The following TRIM2 variants were observed in gnomAD, a reference collection of about 807,000 sequenced individuals.
TRIM2 encodes tripartite motif-containing protein 2.
Under a neutral mutation model 75.2 loss-of-function variants are expected in TRIM2, and 20 were observed. The ratio of observed to expected loss-of-function variants is 0.27; its 90% CI spans 0.19 to 0.39. The LOEUF (loss-of-function observed/expected upper bound fraction) is 0.39, where lower values mean the gene tolerates loss of function less well. TRIM2 is among the 10% of genes least tolerant of loss of function. The probability of loss-of-function intolerance (pLI) is 1.00; values close to 1 mark genes in which losing one functional copy is unlikely to be tolerated. For missense variants in TRIM2, 660 were observed against 990.8 expected, an observed-to-expected ratio of 0.67 and a Z score of 4.48; for synonymous variants, 373 against 388.3, an observed-to-expected ratio of 0.96 and a Z score of 0.46.
chr4:153,175,816 A>G (rs1288987283), intron 1 of TRIM2, among the ~76,000 whole-genome samples: 1 of 152,208 alleles, frequency 6.6e-6, no homozygotes, highest in African/African-American at 2.4e-5. Flanking sequence ...ACAGTGCTGT[A>G]TTGTGAAAAT....
At chr4:153,178,586 GT>G (rs1731718779) in intron 1 of TRIM2, among the ~76,000 whole-genome samples, 1 of 152,100 alleles carries the variant, frequency 6.6e-6, no homozygotes, top group Non-Finnish European at 1.5e-5. Flanking sequence ...ATAATAAACA[GT>G]GTTTTTGGTT....
chr4:153,171,965 T>C (rs1486750598), intron 1 of TRIM2, among the ~76,000 whole-genome samples: 1 of 151,424 alleles, frequency 6.6e-6, no homozygotes, highest in Non-Finnish European at 1.5e-5. Flanking sequence ...TTATACCTAA[T>C]ATTAACAATA....
At chr4:153,219,022 T>A (rs550460586) in intron 1 of TRIM2, among the ~76,000 whole-genome samples, 4 of 152,302 alleles carry the variant, frequency 2.6e-5, no homozygotes, top group African/African-American at 9.6e-5. Flanking sequence ...TGGATTATAG[T>A]TAATTGTGTT....
At chr4:153,239,339 G>A (rs1159774156) in intron 1 of TRIM2, among the ~76,000 whole-genome samples, 1 of 142,404 alleles carries the variant, frequency 7.0e-6, no homozygotes, top group Non-Finnish European at 1.5e-5. Flanking sequence ...GAGACACAGC[G>A]TGACTCCGTC....
At chr4:153,287,363 A>G (rs75774900) in intron 3 of TRIM2, among the ~76,000 whole-genome samples, 1 of 152,200 alleles carries the variant, frequency 6.6e-6, no homozygotes, top group African/African-American at 2.4e-5. Flanking sequence ...TATGTTTTCA[A>G]TCCAATCTGC....
intron 3 of TRIM2, among the ~76,000 whole-genome samples, chr4:153,286,938 A>C (rs1369210771): frequency 1.3e-5 from 2 of 151,648 alleles, no homozygotes; most frequent in Admixed American, 1.3e-4. Context: ...TGCATGAAAT[A>C]TTTTTTTCAT....
intron 1 of TRIM2, among the ~76,000 whole-genome samples, chr4:153,171,678 T>C (rs74955159): frequency 0.015 from 2,244 of 152,062 alleles, 68 homozygotes; most frequent in African/African-American, 0.052. Context: ...AGGGCTTCAG[T>C]GACATTTAAA....
Position 153,294,476 on chromosome 4 carries a change from C to T in TRIM2, c.777C>T (p.Leu259=), listed in dbSNP as rs779411319. 1 of 1,613,460 alleles carries T rather than the reference C, an allele frequency of 6.2e-7. No homozygotes were observed. The highest frequency in any genetic ancestry group is 1.1e-5 in the South Asian group (1 of 90,964). ...LLMELEVNYG[L]KHKVLQSQLD... ...TGGAATTGGAGGTCAACTATGGCCT[C>T]AAACACAAAGTAAGACCAGAATCAT... Residue 259 remains leucine, a synonymous_variant, in exon 5 of 12, where the codon CTC becomes CTT. Transcript: ENST00000338700.
intron 1 of TRIM2, among the ~76,000 whole-genome samples, chr4:153,225,544 C>G (rs1741882501): frequency 6.6e-6 from 1 of 152,156 alleles, no homozygotes; most frequent in South Asian, 2.1e-4. Context: ...GTTGGCATGT[C>G]TGAAAAAGTC....
chr4:153,221,859 A>G (rs80177299), intron 1 of TRIM2, among the ~76,000 whole-genome samples: 62,137 of 95,698 alleles, frequency 0.65, 21,110 homozygotes, highest in African/African-American at 0.85. Flanking sequence ...AGGAAAGAAG[A>G]GAGAGAGGAA....
intron 1 of TRIM2, among the ~76,000 whole-genome samples, chr4:153,178,549 G>A (rs78673493): frequency 0.017 from 2,536 of 152,270 alleles, 82 homozygotes; most frequent in African/African-American, 0.056. Flanking sequence ...AAAAATGCCT[G>A]TTTTGTTGAA....
intron 1 of TRIM2, among the ~76,000 whole-genome samples, chr4:153,229,365 A>G (rs1469805384): frequency 6.6e-6 from 1 of 152,082 alleles, no homozygotes; most frequent in Non-Finnish European, 1.5e-5. Flanking sequence ...CCGGGTTTAA[A>G]CAATTATCCT....
chr4:153,172,130 T>C (rs1730934237), intron 1 of TRIM2, among the ~76,000 whole-genome samples: 3 of 109,504 alleles, frequency 2.7e-5, no homozygotes, highest in African/African-American at 1.1e-4. Flanking sequence ...ACCTCCCCTT[T>C]TATGATAGTA....
chr4:153,294,626 A>G (rs887080801), intron 5 of TRIM2, 141 bp downstream of exon 5: 1 of 926,284 alleles, frequency 1.1e-6, no homozygotes, highest in East Asian at 2.9e-5. Flanking sequence ...TGTAATATCC[A>G]GCTATTTTTT....
intron 1 of TRIM2, among the ~76,000 whole-genome samples, chr4:153,244,415 T>TTCC (rs1748365237): frequency 2.0e-5 from 2 of 98,314 alleles, no homozygotes; most frequent in African/African-American, 5.1e-5. Flanking sequence ...CTTCTTCTTC[T>TTCC]TCTTCTTCTT....
intron 1 of TRIM2, among the ~76,000 whole-genome samples, chr4:153,219,586 G>A (rs1320800724): frequency 1.3e-5 from 2 of 152,164 alleles, no homozygotes; most frequent in African/African-American, 2.4e-5. Flanking sequence ...TTTTAAAAAT[G>A]GGCCTAGAAC....
chr4:153,205,605 G>A (rs1370774490), intron 1 of TRIM2, among the ~76,000 whole-genome samples: 4 of 152,150 alleles, frequency 2.6e-5, no homozygotes, highest in Non-Finnish European at 2.9e-5. Flanking sequence ...GTTTGTGTTT[G>A]TTATCGACAG....
At chr4:153,180,167 AG>A (rs1461908270) in intron 1 of TRIM2, among the ~76,000 whole-genome samples, 1 of 152,246 alleles carries the variant, frequency 6.6e-6, no homozygotes, top group Non-Finnish European at 1.5e-5. Flanking sequence ...CTAAACGGGC[AG>A]AATGATTTGC....
chr4:153,314,085 C>T (rs1288310935), intron 6 of TRIM2, among the ~76,000 whole-genome samples: 2 of 152,078 alleles, frequency 1.3e-5, no homozygotes, highest in African/African-American at 4.8e-5. Flanking sequence ...TGAAATAAAT[C>T]ATAAAAACTT....
Sources: allele counts gnomAD v4.1 joint callset (sites outside exome capture counted in the v4.1 genomes callset), GRCh38; gene constraint gnomAD v4.1.1; transcripts MANE v1.5; gene names NCBI Gene and HGNC (gene_info 2026-07-23, HGNC 2026-07-21).